The following MAN1A1 variants were observed in gnomAD, a reference collection of about 807,000 sequenced individuals.
The protein encoded by MAN1A1 is mannosyl-oligosaccharide 1,2-alpha-mannosidase IA.
MAN1A1 carries 29 observed loss-of-function variants against 70.8 expected under a neutral mutation model. The observed-to-expected ratio is 0.41, with a 90% CI of 0.31 to 0.56. The LOEUF (loss-of-function observed/expected upper bound fraction) is 0.56, where lower values mean the gene tolerates loss of function less well. Among genes scored for constraint, MAN1A1 ranks in the 20% least tolerant of loss-of-function variants. The pLI, the probability that MAN1A1 is intolerant of heterozygous loss-of-function variation, is 0.29. For missense variants in MAN1A1, 747 were observed against 841.3 expected, an observed-to-expected ratio of 0.89 and a Z score of 1.39; for synonymous variants, 349 against 330.1, an observed-to-expected ratio of 1.06 and a Z score of -0.62.
chr6:119,196,900 C>CTTGA (rs1773583986), intron 8 of MAN1A1, among the ~76,000 whole-genome samples: 1 of 152,160 alleles, frequency 6.6e-6, no homozygotes, highest in South Asian at 2.1e-4. Context: ...GCCATCTGGC[C>CTTGA]TCAATAGTAA....
At chr6:119,198,475 G>T (rs1477848229) in intron 8 of MAN1A1, among the ~76,000 whole-genome samples, 4 of 152,192 alleles carry the variant, frequency 2.6e-5, no homozygotes, top group Non-Finnish European at 4.4e-5. Context: ...GCACCCTTTT[G>T]TAATCTTCAA....
At chr6:119,278,506 G>T (rs964678413) in intron 5 of MAN1A1, among the ~76,000 whole-genome samples, 1 of 151,808 alleles carries the variant, frequency 6.6e-6, no homozygotes, top group Non-Finnish European at 1.5e-5. Context: ...TATAGAAAGT[G>T]TTTATATTTT....
chr6:119,315,166 G>A (rs1053146593), intron 2 of MAN1A1, among the ~76,000 whole-genome samples: 1 of 152,168 alleles, frequency 6.6e-6, no homozygotes, highest in African/African-American at 2.4e-5. Context: ...ATATATGGAT[G>A]GGGATTTTCT....
intron 5 of MAN1A1, among the ~76,000 whole-genome samples, chr6:119,262,361 A>T (rs1200705085): frequency 1.3e-5 from 2 of 152,216 alleles, no homozygotes; most frequent in Non-Finnish European, 2.9e-5. Context: ...AATAAAAACA[A>T]ATAAACAATT....
At chr6:119,197,223 C>T (rs528137026) in intron 8 of MAN1A1, among the ~76,000 whole-genome samples, 2 of 151,416 alleles carry the variant, frequency 1.3e-5, no homozygotes, top group Non-Finnish European at 2.9e-5. Flanking sequence ...GCAGGAGAAT[C>T]GCTTGAACCT....
At chr6:119,350,084 G>GC (rs1472661105), upstream of MAN1A1, among the ~76,000 whole-genome samples, 1 of 152,182 alleles carries the variant, frequency 6.6e-6, no homozygotes, top group African/African-American at 2.4e-5. Context: ...GCTGGCCTCG[G>GC]CAGGGGTCCC....
chr6:119,320,145 T>C (rs144201972), intron 2 of MAN1A1, among the ~76,000 whole-genome samples: 5,545 of 152,232 alleles, frequency 0.036, 308 homozygotes, highest in African/African-American at 0.12. Flanking sequence ...GGCTAATTTT[T>C]GTATTTTTAG....
chr6:119,214,215 C>T (rs969993555), intron 6 of MAN1A1, among the ~76,000 whole-genome samples: 4 of 152,064 alleles, frequency 2.6e-5, no homozygotes, highest in African/African-American at 7.2e-5. Flanking sequence ...CTGCCCACCT[C>T]GGCCTCCCAA....
Position 119,348,956 on chromosome 6 carries a change from C to T in MAN1A1, c.110G>A (p.Arg37His). The T allele has an allele frequency of 6.6e-7, 1 of 1,524,510 alleles. No homozygotes were observed. Among genetic ancestry groups the T allele is most frequent in the South Asian group, 1.2e-5 (1 of 81,092 alleles). 94.4% of individuals were successfully genotyped at this position (1,524,510 alleles called of 1,614,324 possible). A position where few individuals can be genotyped will look rare whatever the true frequency, so the allele number is the denominator to read the frequency against. ...GRKGSGPAAL[R>H]LTEKFVLLLV... ...CAGCAGCACGAACTTCTCCGTCAGG[C>T]GGAGGGCGGCGGGGCCCGACCCCTT... The change falls in exon 2 of 13, where the codon CGC becomes CAC. Residue 37 changes from arginine to histidine, a missense_variant. This residue lies in a region of MAN1A1 where 328 missense variants were observed against 293.1 expected (regional missense o/e 1.12). Coordinates refer to ENST00000368468, the MANE Select transcript of MAN1A1 (RefSeq NM_005907.4).
chr6:119,311,035 G>A (rs543245747), intron 2 of MAN1A1, among the ~76,000 whole-genome samples: 74 of 152,282 alleles, frequency 4.9e-4, no homozygotes, highest in African/African-American at 1.8e-3. Flanking sequence ...CTCTGCCATC[G>A]TCAGTGTGAC....
At chr6:119,198,619 A>C (rs896335885) in intron 8 of MAN1A1, among the ~76,000 whole-genome samples, 4 of 152,230 alleles carry the variant, frequency 2.6e-5, no homozygotes, top group Admixed American at 1.3e-4. Context: ...TAACATATAC[A>C]ATTTTTCAAA....
chr6:119,269,019 T>C (rs1775839238), intron 5 of MAN1A1: 1 of 152,732 alleles, frequency 6.5e-6, no homozygotes, highest in African/African-American at 2.4e-5. Context: ...GCTTCCTAAG[T>C]ACCAGGCTGT....
chr6:119,347,017 G>A lies in MAN1A1; in HGVS notation c.603+1446C>T, dbSNP rs116461346. 5.4e-3 allele frequency among the ~76,000 whole-genome samples: 819 copies of A among 152,300 alleles called. 7 individuals are homozygous for A. Among genetic ancestry groups the A allele is most frequent in the African/African-American group, 0.019 (779 of 41,548 alleles). ...AAGGAAACTGCTAGACAGTTGTTCT[G>A]GAAAGTAGAATCCATTCCCCCAAGT... On this transcript the variant is annotated intron_variant, in intron 2 of 12. Transcript: ENST00000368468.
At chr6:119,286,710 T>C (rs1185104626) in intron 5 of MAN1A1, among the ~76,000 whole-genome samples, 1 of 152,124 alleles carries the variant, frequency 6.6e-6, no homozygotes, top group Non-Finnish European at 1.5e-5. Context: ...TTGGCTACTG[T>C]TTTTCTATTT....
In MAN1A1 at chr6:119,204,889, AAG is replaced by A; in HGVS notation, c.993-9_993-8del. On this transcript the variant is annotated splice_region_variant and splice_polypyrimidine_tract_variant and intron_variant, in intron 6 of 12. Transcript: ENST00000368468. ...CCAGTTCCTTCCAATACCACTAAAG[AAG>A]AGATGACGTCGAAGAGTTATGGGTC... 6.2e-7 allele frequency: 1 copy of A among 1,613,390 alleles called. No individual in the cohort carries two copies.
chr6:119,305,790 C>T (rs1772509962), intron 3 of MAN1A1, among the ~76,000 whole-genome samples: 1 of 152,110 alleles, frequency 6.6e-6, no homozygotes, highest in Non-Finnish European at 1.5e-5. Context: ...AAGACCTGTG[C>T]AAAGACTCGT....
intron 11 of MAN1A1, among the ~76,000 whole-genome samples, chr6:119,186,629 G>A (rs76381869): frequency 0.015 from 2,252 of 152,302 alleles, 72 homozygotes; most frequent in African/African-American, 0.051. Flanking sequence ...ACCACAGCCA[G>A]CTGGCTAGGG....
chr6:119,328,470 A>G (rs1257264923), intron 2 of MAN1A1, among the ~76,000 whole-genome samples: 1 of 152,224 alleles, frequency 6.6e-6, no homozygotes, highest in Non-Finnish European at 1.5e-5. Flanking sequence ...AAGCTCTCTC[A>G]TCTCAGTGCC....
intron 2 of MAN1A1, among the ~76,000 whole-genome samples, chr6:119,328,438 T>G (rs1396916034): frequency 6.6e-6 from 1 of 152,256 alleles, no homozygotes; most frequent in African/African-American, 2.4e-5. Context: ...AGGGTTGGAC[T>G]GTTAATAAGT....
Sources: gnomAD v4.1 joint callset for allele counts (sites outside exome capture counted in the v4.1 genomes callset) on GRCh38, gnomAD v4.1.1 for gene constraint, gnomAD v4.1.1 regional missense constraint, MANE v1.5 for transcripts, NCBI Gene and HGNC (gene_info 2026-07-23, HGNC 2026-07-21) for gene names.